The following SPMIP2 variants were observed in gnomAD, a reference collection of about 807,000 sequenced individuals.
SPMIP2 encodes protein SPMIP2.
At chr4:158,946,182 T>A in the SPMIP2 span, among the ~76,000 whole-genome samples, 1 of 152,208 alleles carries the variant, frequency 6.6e-6, no homozygotes, top group Non-Finnish European at 1.5e-5. Flanking sequence ...ATGAACTGAT[T>A]TTTCCCCCAA....
the SPMIP2 span, among the ~76,000 whole-genome samples, chr4:158,938,162 C>T: frequency 2.0e-5 from 3 of 152,330 alleles, no homozygotes; most frequent in South Asian, 6.2e-4. Flanking sequence ...AATGAAATCG[C>T]TCCCCGAAGA....
the SPMIP2 span, among the ~76,000 whole-genome samples, chr4:158,939,850 A>C: frequency 6.6e-6 from 1 of 152,134 alleles, no homozygotes; most frequent in Non-Finnish European, 1.5e-5. Context: ...AAAACAAAAA[A>C]ACAAAAGGAT....
the SPMIP2 span, among the ~76,000 whole-genome samples, chr4:158,931,394 C>CAG: frequency 6.6e-6 from 1 of 152,096 alleles, no homozygotes; most frequent in Non-Finnish European, 1.5e-5. Flanking sequence ...GGACTAGAGG[C>CAG]ACTGTCACTA....
chr4:158,979,202 C>A, the SPMIP2 span, among the ~76,000 whole-genome samples: 1 of 152,128 alleles, frequency 6.6e-6, no homozygotes, highest in South Asian at 2.1e-4. Context: ...ACCCCTACCC[C>A]GCCACCAAGC....
chr4:158,957,585 C>G, the SPMIP2 span, among the ~76,000 whole-genome samples: 1 of 152,188 alleles, frequency 6.6e-6, no homozygotes, highest in Admixed American at 6.5e-5. Flanking sequence ...CACTACTACG[C>G]CTGGCTAGTT....
At chr4:159,044,058 C>A in the SPMIP2 span, among the ~76,000 whole-genome samples, 1 of 152,038 alleles carries the variant, frequency 6.6e-6, no homozygotes, top group Admixed American at 6.6e-5. Context: ...CGTTTTTTAG[C>A]AAATTCAGCA....
the SPMIP2 span, among the ~76,000 whole-genome samples, chr4:159,049,877 C>T: frequency 1.3e-5 from 2 of 152,162 alleles, no homozygotes; most frequent in Admixed American, 1.3e-4. Context: ...TACTGCATTA[C>T]ATCACTGATA....
chr4:158,956,152 C>T, the SPMIP2 span, among the ~76,000 whole-genome samples: 1 of 152,256 alleles, frequency 6.6e-6, no homozygotes, highest in Non-Finnish European at 1.5e-5. Flanking sequence ...CAGTGGCTCC[C>T]ATTTATCTTG....
the SPMIP2 span, among the ~76,000 whole-genome samples, chr4:158,981,058 T>C: frequency 2.0e-5 from 3 of 152,128 alleles, no homozygotes; most frequent in Admixed American, 6.5e-5. Flanking sequence ...CTGTGAAGCA[T>C]ACACAAGTAT....
At chr4:159,038,197 T>C in the SPMIP2 span, among the ~76,000 whole-genome samples, 831 of 152,318 alleles carry the variant, frequency 5.5e-3, 9 homozygotes, top group African/African-American at 0.018. Flanking sequence ...AAAACACATA[T>C]GTAATTTTGC....
the SPMIP2 span, among the ~76,000 whole-genome samples, chr4:159,079,336 C>T: frequency 0.062 from 9,429 of 152,104 alleles, 414 homozygotes; most frequent in South Asian, 0.11. Flanking sequence ...GCTTCCTTGC[C>T]CCTTCCACCA....
chr4:158,924,417 T>G, the SPMIP2 span, among the ~76,000 whole-genome samples: 1 of 152,244 alleles, frequency 6.6e-6, no homozygotes, highest in African/African-American at 2.4e-5. Context: ...TTTGCTCTTG[T>G]TGCACAGACT....
chr4:158,927,534 G>A, the SPMIP2 span, among the ~76,000 whole-genome samples: 4 of 152,194 alleles, frequency 2.6e-5, no homozygotes, highest in Admixed American at 6.5e-5. Flanking sequence ...AGGTGACAGC[G>A]TGCTGGCAGT....
the SPMIP2 span, among the ~76,000 whole-genome samples, chr4:159,012,786 T>C: frequency 1.3e-5 from 2 of 151,874 alleles, no homozygotes; most frequent in Non-Finnish European, 2.9e-5. Flanking sequence ...TTCCTCAGGG[T>C]GGTCTCGAAC....
chr4:159,028,648 A>G, the SPMIP2 span, among the ~76,000 whole-genome samples: 2 of 152,206 alleles, frequency 1.3e-5, no homozygotes, highest in South Asian at 2.1e-4. Flanking sequence ...TAAACTTTAA[A>G]ATTGCATAGG....
the SPMIP2 span, among the ~76,000 whole-genome samples, chr4:159,029,685 G>A: frequency 1.3e-5 from 2 of 152,164 alleles, no homozygotes; most frequent in Non-Finnish European, 2.9e-5. Context: ...ATTTCTCAGG[G>A]TTTTTGGAAT....
At chr4:158,967,490 C>T in the SPMIP2 span, among the ~76,000 whole-genome samples, 1 of 152,192 alleles carries the variant, frequency 6.6e-6, no homozygotes, top group East Asian at 1.9e-4. Flanking sequence ...ACTAAACACG[C>T]ACTCATCTGG....
chr4:159,061,789 C>T, the SPMIP2 span, among the ~76,000 whole-genome samples: 2 of 142,934 alleles, frequency 1.4e-5, no homozygotes, highest in Non-Finnish European at 3.0e-5. Flanking sequence ...CCAGCCTGGG[C>T]GACAGAGCGA....
the SPMIP2 span, among the ~76,000 whole-genome samples, chr4:159,023,770 T>C: frequency 2.0e-5 from 3 of 152,206 alleles, no homozygotes; most frequent in African/African-American, 7.2e-5. Flanking sequence ...TTTTGATCAT[T>C]GTTTAATAAA....
Sources: gnomAD v4.1 joint callset for allele counts (sites outside exome capture counted in the v4.1 genomes callset) on GRCh38, gnomAD v4.1.1 for gene constraint, MANE v1.5 for transcripts, NCBI Gene and HGNC (gene_info 2026-07-23, HGNC 2026-07-21) for gene names.